Variants in CACNB4 observed in about 807,000 individuals in gnomAD.
The protein encoded by CACNB4 is calcium voltage-gated channel auxiliary subunit beta 4.
CACNB4 carries 32 observed loss-of-function variants against 71.2 expected under a neutral mutation model. The observed-to-expected ratio is 0.45, with a 90% CI of 0.34 to 0.60. The LOEUF (loss-of-function observed/expected upper bound fraction) is 0.60. Among genes scored for constraint, CACNB4 ranks in the 20% least tolerant of loss-of-function variants. The probability of loss-of-function intolerance (pLI) is 0.01; values close to 1 mark genes in which losing one functional copy is unlikely to be tolerated. For synonymous variants in CACNB4, 231 were observed against 236.9 expected (o/e 0.97, Z 0.23); for missense variants, 464 against 647.9 (o/e 0.72, Z 3.08).
intron 2 of CACNB4, among the ~76,000 whole-genome samples, chr2:151,964,945 C>CT (rs1367630731): frequency 5.0e-5 from 1 of 20,038 alleles, no homozygotes; most frequent in Non-Finnish European, 2.5e-4. Context: ...ATTTTCTGTG[C>CT]TCCCTACCTT....
intron 2 of CACNB4, among the ~76,000 whole-genome samples, chr2:152,025,277 G>C (rs920920755): frequency 6.6e-6 from 1 of 152,076 alleles, no homozygotes; most frequent in African/African-American, 2.4e-5. Flanking sequence ...ACAGGAAATT[G>C]TTCAAAAGAC....
chr2:151,904,658 T>C (rs1265855075), intron 2 of CACNB4, among the ~76,000 whole-genome samples: 1 of 151,742 alleles, frequency 6.6e-6, no homozygotes, highest in African/African-American at 2.4e-5. Context: ...CCTCAGCCTC[T>C]CAAGTAGCTG....
chr2:152,061,268 T>C (rs1685999684), intron 2 of CACNB4, among the ~76,000 whole-genome samples: 1 of 152,038 alleles, frequency 6.6e-6, no homozygotes, highest in African/African-American at 2.4e-5. Context: ...GCTATGATCG[T>C]GCCACTGAAC....
chr2:151,928,417 T>C (rs919084474), intron 2 of CACNB4, among the ~76,000 whole-genome samples: 11 of 152,186 alleles, frequency 7.2e-5, no homozygotes, highest in African/African-American at 2.2e-4. Context: ...ATGCCTCATT[T>C]ATTCCTGTGC....
intron 2 of CACNB4, among the ~76,000 whole-genome samples, chr2:151,938,940 C>T (rs1405876664): frequency 1.3e-5 from 2 of 152,182 alleles, no homozygotes; most frequent in South Asian, 2.1e-4. Flanking sequence ...TCAGCTCTGC[C>T]GTGTTGGCTC....
At chr2:151,842,320 CTTTTTTTTTTTTTTTTTT>C (rs35662354) in intron 12 of CACNB4, among the ~76,000 whole-genome samples, 1 of 67,708 alleles carries the variant, frequency 1.5e-5, no homozygotes, top group Non-Finnish European at 2.6e-5. Context: ...ATATTTGGAT[CTTTTTTTTTTTTTTTTTT>C]TTTTTTTTTT....
intron 2 of CACNB4, among the ~76,000 whole-genome samples, chr2:151,925,961 A>G (rs1429152261): frequency 6.6e-6 from 1 of 152,230 alleles, no homozygotes; most frequent in Non-Finnish European, 1.5e-5. Flanking sequence ...AGGTGAACCC[A>G]GATCTGGACA....
chr2:151,984,476 GA>G (rs1681219631), intron 2 of CACNB4, among the ~76,000 whole-genome samples: 1 of 152,138 alleles, frequency 6.6e-6, no homozygotes, highest in South Asian at 2.1e-4. Context: ...TTTTGAAAGA[GA>G]TATCTTCTAG....
chr2:152,053,587 G>A (rs1579207754), intron 2 of CACNB4, among the ~76,000 whole-genome samples: 2 of 147,228 alleles, frequency 1.4e-5, no homozygotes, highest in East Asian at 4.0e-4. Flanking sequence ...GCAGTGGTGT[G>A]ATCACAGCTC....
At chr2:152,077,760 T>C (rs67942461) in intron 2 of CACNB4, among the ~76,000 whole-genome samples, 20,921 of 151,782 alleles carry the variant, frequency 0.14, 1,693 homozygotes, top group Middle Eastern at 0.28. Context: ...AACCCGAGAC[T>C]GAGAGGAGAA....
chr2:151,893,980 T>A (rs1010257875), intron 2 of CACNB4, among the ~76,000 whole-genome samples: 1 of 152,048 alleles, frequency 6.6e-6, no homozygotes, highest in Non-Finnish European at 1.5e-5. Flanking sequence ...AATGCCAATA[T>A]CACTGATGAA....
intron 2 of CACNB4, among the ~76,000 whole-genome samples, chr2:152,033,794 A>G (rs561279874): frequency 6.4e-4 from 97 of 152,344 alleles, no homozygotes; most frequent in African/African-American, 2.3e-3. Flanking sequence ...GAGAAAAATG[A>G]AAAATGTAAG....
intron 2 of CACNB4, among the ~76,000 whole-genome samples, chr2:152,060,992 A>G (rs1189366705): frequency 6.6e-6 from 1 of 152,242 alleles, no homozygotes; most frequent in African/African-American, 2.4e-5. Flanking sequence ...TGCAATGAAC[A>G]TATATTTCTT....
intron 2 of CACNB4, among the ~76,000 whole-genome samples, chr2:152,093,029 T>C (rs1350559201): frequency 5.9e-5 from 9 of 152,176 alleles, no homozygotes; most frequent in Non-Finnish European, 8.8e-5. Context: ...CTCACCTACA[T>C]TCAGACCTCA....
chr2:151,937,503 T>C (rs1417488257), intron 2 of CACNB4, among the ~76,000 whole-genome samples: 1 of 152,216 alleles, frequency 6.6e-6, no homozygotes, highest in African/African-American at 2.4e-5. Context: ...AGTTTATTTA[T>C]ATTTGACATG....
chr2:151,944,771 G>A (rs2099865166), intron 2 of CACNB4, among the ~76,000 whole-genome samples: 1 of 152,184 alleles, frequency 6.6e-6, no homozygotes, highest in Admixed American at 6.5e-5. Flanking sequence ...CAGGCTGGGT[G>A]ACAGAGCAAG....
intron 12 of CACNB4, chr2:151,850,613 G>A (rs1389582807): frequency 1.3e-5 from 2 of 152,160 alleles, no homozygotes; most frequent in Non-Finnish European, 2.9e-5. Flanking sequence ...GAGGAGATTG[G>A]ACTAAGTCTT....
chr2:151,892,586 A>T (rs1005572162), intron 2 of CACNB4, among the ~76,000 whole-genome samples: 1 of 152,212 alleles, frequency 6.6e-6, no homozygotes, highest in African/African-American at 2.4e-5. Flanking sequence ...ATGTGTATGC[A>T]TGGCTAACTG....
chr2:152,091,240 A>G (rs1687955740), intron 2 of CACNB4, among the ~76,000 whole-genome samples: 1 of 152,154 alleles, frequency 6.6e-6, no homozygotes, highest in Non-Finnish European at 1.5e-5. Context: ...TTCTTGCTCT[A>G]TCAGAGCAAG....
Sources: gnomAD v4.1 joint callset for allele counts (sites outside exome capture counted in the v4.1 genomes callset) on GRCh38, gnomAD v4.1.1 for gene constraint, MANE v1.5 for transcripts, NCBI Gene and HGNC (gene_info 2026-07-23, HGNC 2026-07-21) for gene names.